LRGUK: variants seen among roughly 807,000 people sequenced by gnomAD.
LRGUK encodes the protein leucine-rich repeat and guanylate kinase domain-containing protein.
LRGUK carries 65 observed loss-of-function variants against 76.0 expected under a neutral mutation model. The observed-to-expected ratio is 0.85, with a 90% CI of 0.70 to 1.05. The LOEUF (loss-of-function observed/expected upper bound fraction) is 1.05. Among genes scored for constraint, LRGUK ranks in the 50% least tolerant of loss-of-function variants. The pLI is 0.00. For missense variants in LRGUK, 758 were observed against 732.8 expected (o/e 1.03, Z -0.40); for synonymous variants, 268 against 265.6 (o/e 1.01, Z -0.09).
chr7:134,255,138 A>T (rs1802543411), intron 18 of LRGUK, among the ~76,000 whole-genome samples: 1 of 152,076 alleles, frequency 6.6e-6, no homozygotes, highest in Admixed American at 6.6e-5. Flanking sequence ...GGATATGAGA[A>T]GCAGAGTTAC....
At position 134,178,562 on chromosome 7, in the gene LRGUK, GA is replaced by G. The variant is rs1442607094; in HGVS notation, c.1168del (p.Thr390ProfsTer7). The G allele has an allele frequency of 1.2e-6, 2 of 1,613,318 alleles. No individual in the cohort carries two copies. Among genetic ancestry groups the G allele is most frequent in the Non-Finnish European group, 8.5e-7 (1 of 1,179,716 alleles). The stretch of plus-strand genomic sequence containing the variant: ...AAGTGGTTGCAGCTCAAGACCACCT[GA>G]CCCATGTTGTCAACAGCGTGATGCA... On this transcript the variant is annotated frameshift_variant, in exon 10 of 16. Transcript: ENST00000645682. LOFTEE classifies it high-confidence loss of function.
intron 4 of LRGUK, among the ~76,000 whole-genome samples, chr7:134,144,430 C>A (rs192170449): frequency 6.6e-6 from 1 of 152,184 alleles, no homozygotes; most frequent in Admixed American, 6.5e-5. Context: ...TAAGCCACCA[C>A]GCCTGGCCTG....
At chr7:134,263,121 A>G (rs976764400) in intron 19 of LRGUK, among the ~76,000 whole-genome samples, 3 of 152,036 alleles carry the variant, frequency 2.0e-5, no homozygotes, top group African/African-American at 7.2e-5. Context: ...GATTTGGCCA[A>G]TAGATCCAGT....
chr7:134,235,193 A>C (rs1305609913), intron 16 of LRGUK, among the ~76,000 whole-genome samples: 1 of 152,172 alleles, frequency 6.6e-6, no homozygotes, highest in African/African-American at 2.4e-5. Context: ...CATGTTGCTC[A>C]GTGTCTTTCA....
At chr7:134,207,208 C>A (rs1401919388) in intron 15 of LRGUK, among the ~76,000 whole-genome samples, 2 of 152,122 alleles carry the variant, frequency 1.3e-5, no homozygotes, top group Non-Finnish European at 2.9e-5. Context: ...TGTAAGTATA[C>A]AATTCAATGG....
chr7:134,145,020 C>T (rs563863997), intron 4 of LRGUK, among the ~76,000 whole-genome samples: 1 of 152,274 alleles, frequency 6.6e-6, no homozygotes, highest in African/African-American at 2.4e-5. Context: ...CTTTCACACC[C>T]CTTCCTTGCA....
chr7:134,179,236 C>T (rs1563164941), intron 10 of LRGUK, among the ~76,000 whole-genome samples: 4 of 152,156 alleles, frequency 2.6e-5, no homozygotes, highest in Admixed American at 6.5e-5. Context: ...CCTCTGAATT[C>T]GAAGACAGAT....
At chr7:134,206,532 CAT>C (rs920955360) in intron 15 of LRGUK, among the ~76,000 whole-genome samples, 32 of 149,180 alleles carry the variant, frequency 2.1e-4, no homozygotes, top group African/African-American at 7.1e-4. Context: ...TAAATAAATA[CAT>C]ATATATATAT....
chr7:134,257,200 T>C (rs1042133100), intron 18 of LRGUK, among the ~76,000 whole-genome samples: 13 of 152,218 alleles, frequency 8.5e-5, no homozygotes, highest in African/African-American at 2.9e-4. Context: ...TTTAAGACGT[T>C]GGCCCTCATT....
At chr7:134,173,937 C>T (rs964068087) in intron 7 of LRGUK, among the ~76,000 whole-genome samples, 1 of 151,996 alleles carries the variant, frequency 6.6e-6, no homozygotes, top group Non-Finnish European at 1.5e-5. Context: ...GGTGAAACCC[C>T]GTTTCTACTA....
chr7:134,179,085 G>T lies in LRGUK; in HGVS notation c.1214+476G>T, dbSNP rs182075451. On this transcript the variant is annotated intron_variant, in intron 10 of 15. Transcript: ENST00000645682. ...ATACCCTTGCCAAAGACTGTTCCAT[G>T]AATTCACATTATTAGGGAGTCCCTT... 5.3e-5 allele frequency among the ~76,000 whole-genome samples: 8 copies of T among 152,094 alleles called. No individual in the cohort carries two copies. In the East Asian group the frequency reaches 1.5e-3, roughly 29 times the overall value.
chr7:134,175,639 C>T (rs537546941), intron 8 of LRGUK, among the ~76,000 whole-genome samples: 50 of 152,294 alleles, frequency 3.3e-4, no homozygotes, highest in Admixed American at 2.1e-3. Flanking sequence ...ACCTCATATA[C>T]GGTCTCATCT....
At chr7:134,191,839 A>G (rs1222125020) in intron 12 of LRGUK, 88 bp downstream of exon 12, 2 of 959,416 alleles carry the variant, frequency 2.1e-6, no homozygotes, top group Non-Finnish European at 3.1e-6. Context: ...TAAAAAAAGG[A>G]AGAATTAAAT....
chr7:134,269,873 A>G, the LRGUK span, among the ~76,000 whole-genome samples: 1 of 152,218 alleles, frequency 6.6e-6, no homozygotes, highest in Non-Finnish European at 1.5e-5. Context: ...ATATAAATTG[A>G]TGCAGAAAAA....
chr7:134,267,956 G>C (rs1045453227), downstream of LRGUK, among the ~76,000 whole-genome samples: 1 of 151,984 alleles, frequency 6.6e-6, no homozygotes, highest in Non-Finnish European at 1.5e-5. Context: ...GAATAAAAAT[G>C]AAAATATACC....
At chr7:134,175,442 G>A (rs1234308576) in intron 8 of LRGUK, among the ~76,000 whole-genome samples, 1 of 152,164 alleles carries the variant, frequency 6.6e-6, no homozygotes, top group Non-Finnish European at 1.5e-5. Flanking sequence ...AGGAACAGTG[G>A]GAGGCAATTT....
At chr7:134,240,235 C>T (rs141358768) in intron 16 of LRGUK, among the ~76,000 whole-genome samples, 20 of 152,174 alleles carry the variant, frequency 1.3e-4, no homozygotes, top group African/African-American at 3.1e-4. Context: ...TTCAGATGAT[C>T]GGTAATAACA....
At chr7:134,131,624 T>C (rs1238515677) in intron 1 of LRGUK, among the ~76,000 whole-genome samples, 3 of 152,176 alleles carry the variant, frequency 2.0e-5, no homozygotes, top group East Asian at 1.9e-4. Flanking sequence ...ATATGGACTT[T>C]GTTCTCTACA....
chr7:134,177,658 T>A (rs1240483733), intron 9 of LRGUK, among the ~76,000 whole-genome samples: 3 of 152,158 alleles, frequency 2.0e-5, no homozygotes, highest in African/African-American at 7.2e-5. Context: ...CCAAAATCTC[T>A]ACTAATGAGG....
Sources: gnomAD v4.1 joint callset for allele counts (sites outside exome capture counted in the v4.1 genomes callset) on GRCh38, gnomAD v4.1.1 for gene constraint, MANE v1.5 for transcripts, NCBI Gene and HGNC (gene_info 2026-07-23, HGNC 2026-07-21) for gene names.